WAC: variants seen among roughly 807,000 people sequenced by gnomAD.
WAC encodes WW domain containing adaptor with coiled-coil.
WAC carries 11 observed loss-of-function variants against 79.6 expected under a neutral mutation model. The observed-to-expected ratio is 0.14, with a 90% confidence interval of 0.09 to 0.23. WAC has a LOEUF of 0.23. WAC is among the 10% of genes least tolerant of loss of function. The pLI is 1.00. For synonymous variants in WAC, 304 were observed against 276.9 expected (o/e 1.10, Z -0.97); for missense variants, 728 against 773.5 (o/e 0.94, Z 0.70).
At chr10:28,578,845 G>C (rs1441161176) in intron 3 of WAC, among the ~76,000 whole-genome samples, 4 of 152,032 alleles carry the variant, frequency 2.6e-5, no homozygotes, top group African/African-American at 9.7e-5. Context: ...TCATTCTCTT[G>C]TACCGACCCT....
chr10:28,550,490 G>A (rs1837607612), intron 3 of WAC, among the ~76,000 whole-genome samples: 2 of 151,172 alleles, frequency 1.3e-5, no homozygotes, highest in Non-Finnish European at 2.9e-5. Flanking sequence ...ATTTACATAT[G>A]TTGTTTGCCT....
chr10:28,602,165 G>C (rs1443569110), intron 7 of WAC, among the ~76,000 whole-genome samples: 1 of 152,202 alleles, frequency 6.6e-6, no homozygotes, highest in African/African-American at 2.4e-5. Flanking sequence ...TGAATGTTGG[G>C]AAGCACAGTA....
At chr10:28,533,848 C>T (rs1836438661) in intron 1 of WAC, 150 bp from the exon 2 acceptor site, 2 of 1,089,444 alleles carry the variant, frequency 1.8e-6, no homozygotes, top group Non-Finnish European at 2.6e-6. Context: ...TCCGGAGGCT[C>T]CGGGTTTGTG....
At position 28,595,689 on chromosome 10, in the gene WAC, C is replaced by CT. The variant is rs761503542; in HGVS notation, c.611-42dup. ...TCTAATGTAATCTTTTTTCTTCCCCCTTCTGTCATTCCAACATCTGTTTTT... is the reference window on the plus strand; with the variant it reads ...TCTAATGTAATCTTTTTTCTTCCCCCTTTCTGTCATTCCAACATCTGTTTTT... On this transcript the variant is annotated intron_variant, in intron 6 of 13. Coordinates refer to ENST00000354911, the MANE Select transcript of WAC (RefSeq NM_016628.5). The CT allele has an allele frequency of 7.3e-5, 114 of 1,569,046 alleles. No individual in the cohort carries two copies. In the African/African-American group the frequency reaches 1.5e-3, roughly 20 times the overall value.
chr10:28,611,255 A>G, intron 9 of WAC: 1 of 1,292,468 alleles, frequency 7.7e-7, no homozygotes, highest in Non-Finnish European at 1.0e-6. Flanking sequence ...CTTGAATTAG[A>G]TATCCCTCTT....
chr10:28,601,420 T>C (rs1354327780), intron 7 of WAC, among the ~76,000 whole-genome samples: 1 of 152,118 alleles, frequency 6.6e-6, no homozygotes, highest in Non-Finnish European at 1.5e-5. Flanking sequence ...ATAGGTGTTT[T>C]GGAGGGTATG....
intron 3 of WAC, among the ~76,000 whole-genome samples, chr10:28,559,098 A>G (rs971670470): frequency 1.3e-5 from 2 of 150,748 alleles, no homozygotes; most frequent in Admixed American, 6.7e-5. Context: ...GGTATGGTAG[A>G]CAACAGATTA....
chr10:28,571,316 A>G (rs1717346360), intron 3 of WAC, among the ~76,000 whole-genome samples: 2 of 152,230 alleles, frequency 1.3e-5, no homozygotes, highest in Non-Finnish European at 2.9e-5. Context: ...TGAAAAGTAA[A>G]TAATTTTGAG....
At chr10:28,596,078 T>TA in intron 7 of WAC, 37 bp downstream of exon 7, 2 of 1,565,508 alleles carry the variant, frequency 1.3e-6, no homozygotes, top group South Asian at 2.4e-5. Context: ...CGTTGAACTA[T>TA]AGTTTCTAAG....
At chr10:28,614,166 C>A (rs1003388287) in intron 10 of WAC, among the ~76,000 whole-genome samples, 1 of 151,450 alleles carries the variant, frequency 6.6e-6, no homozygotes, top group Non-Finnish European at 1.5e-5. Context: ...AGTGCTGTGG[C>A]GCGATCTCCG....
Position 28,611,928 on chromosome 10 carries a change from T to C in WAC, c.1437+6T>C. Reference sequence around the variant, plus strand: ...CTGTTTCATCACAGCCAAAGGTATGTCACCTTTGAGGGACATTCGGAAAAG... The same window carrying C: ...CTGTTTCATCACAGCCAAAGGTATGCCACCTTTGAGGGACATTCGGAAAAG... On this transcript the variant is annotated splice_donor_region_variant and intron_variant, in intron 10 of 13. Transcript: ENST00000354911. The C allele has an allele frequency of 6.2e-7, 1 of 1,610,508 alleles. No individual in the cohort carries two copies. The highest frequency in any genetic ancestry group is 8.5e-7 in the Non-Finnish European group (1 of 1,179,182).
In WAC at chr10:28,611,776, C is replaced by G; in HGVS notation, c.1291C>G (p.Gln431Glu). 1 of 1,610,028 alleles carries G rather than the reference C, an allele frequency of 6.2e-7. No individual in the cohort carries two copies. The highest frequency in any genetic ancestry group is 8.5e-7 in the Non-Finnish European group (1 of 1,179,076). ...TTAATTGCTTCCCTCTTTTACAGCC[C>G]AGCCATCTAATCAGTCTCCGATGTC... ...SQAAQLSTQAQPSNQSPMSLT... is the reference protein window; with the variant it reads ...SQAAQLSTQAEPSNQSPMSLT... Residue 431 changes from glutamine to glutamate, a missense_variant and splice_region_variant, in exon 10 of 14, where the codon CAG becomes GAG. Gln to Glu is a conservative substitution (Grantham distance 29, BLOSUM62 2). This residue lies in a region of WAC where 648 missense variants were observed against 661.5 expected (regional missense o/e 0.98). Transcript: ENST00000354911.
At chr10:28,618,820 T>G (rs1012667280) in intron 13 of WAC, among the ~76,000 whole-genome samples, 1 of 152,224 alleles carries the variant, frequency 6.6e-6, no homozygotes. Flanking sequence ...TCTAAATGAT[T>G]AATCTCTTAC....
At chr10:28,562,245 C>T (rs1055071392) in intron 3 of WAC, among the ~76,000 whole-genome samples, 2 of 151,966 alleles carry the variant, frequency 1.3e-5, no homozygotes, top group Non-Finnish European at 2.9e-5. Flanking sequence ...TTAGTAGAGA[C>T]GGGGTTTCAC....
chr10:28,555,255 C>T (rs1311391084), intron 3 of WAC, among the ~76,000 whole-genome samples: 3 of 152,172 alleles, frequency 2.0e-5, no homozygotes, highest in African/African-American at 7.2e-5. Flanking sequence ...TGAGGCCCTA[C>T]ACGTTGTTAA....
chr10:28,573,501 C>T (rs1839087506), intron 3 of WAC, among the ~76,000 whole-genome samples: 2 of 152,086 alleles, frequency 1.3e-5, no homozygotes, highest in African/African-American at 2.4e-5. Flanking sequence ...AATTTTACTC[C>T]AGTAATTCTC....
intron 6 of WAC, among the ~76,000 whole-genome samples, chr10:28,594,179 T>A (rs1200981533): frequency 6.6e-6 from 1 of 152,202 alleles, no homozygotes; most frequent in Admixed American, 6.5e-5. Flanking sequence ...TTTGTTTTTT[T>A]AATTCAAAAA....
intron 2 of WAC, chr10:28,534,242 A>AG (rs1836484000): frequency 2.2e-6 from 1 of 456,092 alleles, no homozygotes; most frequent in Non-Finnish European, 3.9e-6. Context: ...AGGTGACTGG[A>AG]GGGAGTTCGC....
intron 3 of WAC, among the ~76,000 whole-genome samples, chr10:28,569,633 C>G (rs1407935950): frequency 6.6e-6 from 1 of 152,086 alleles, no homozygotes. Context: ...CCTCAGTGAA[C>G]TTCTATAATC....
Sources: allele counts gnomAD v4.1 joint callset (sites outside exome capture counted in the v4.1 genomes callset), GRCh38; gene constraint gnomAD v4.1.1; regional missense constraint gnomAD v4.1.1; transcripts MANE v1.5; gene names NCBI Gene and HGNC (gene_info 2026-07-23, HGNC 2026-07-21).